Variants in GALNT13 observed in about 807,000 individuals in gnomAD.
GALNT13 encodes the protein polypeptide N-acetylgalactosaminyltransferase 13.
Under a neutral mutation model 64.2 loss-of-function variants are expected in GALNT13, and 28 were observed. That is an observed-to-expected ratio of 0.44 (90% confidence interval 0.32 to 0.60). GALNT13 has a LOEUF of 0.60. Ranked by LOEUF, GALNT13 falls within the 20% of genes least tolerant of loss-of-function variation. The pLI is 0.05. For synonymous variants in GALNT13, 214 were observed against 224.6 expected, an observed-to-expected ratio of 0.95 and a Z score of 0.42; for missense variants, 577 against 669.8, an observed-to-expected ratio of 0.86 and a Z score of 1.53.
rs199814830 is a variant in GALNT13 at position 154,147,081 on chromosome 2, C to G, written c.311+6576C>G. Among the ~76,000 whole-genome samples, 17 of 152,058 alleles carry G rather than the reference C, an allele frequency of 1.1e-4. No homozygotes were observed. In the East Asian group the frequency reaches 2.9e-3, roughly 26 times the overall value. On this transcript the variant is annotated intron_variant, in intron 4 of 12. Transcript: ENST00000392825. The stretch of plus-strand genomic sequence containing the variant: ...TGTAGAGGAAAGGTTTTTCTCTTCC[C>G]TGTAAGTGAATTTACATTGTTGTGC...
the GALNT13 span, among the ~76,000 whole-genome samples, chr2:153,166,621 ATGTGTGTGTGTGTGTGTGTGTGTGTG>A: frequency 1.6e-5 from 2 of 122,662 alleles, no homozygotes; most frequent in African/African-American, 6.5e-5. Context: ...TGCCTACTGC[ATGTGTGTGTGTGTGTGTGTGTGTGTG>A]TGTGTGTGTG....
At chr2:153,797,310 G>T in the GALNT13 span, among the ~76,000 whole-genome samples, 7 of 152,196 alleles carry the variant, frequency 4.6e-5, no homozygotes, top group African/African-American at 1.2e-4. Context: ...TTGGAAAGAG[G>T]TATGCTATAT....
At chr2:153,138,437 T>C in the GALNT13 span, among the ~76,000 whole-genome samples, 13 of 152,174 alleles carry the variant, frequency 8.5e-5, no homozygotes, top group African/African-American at 3.1e-4. Flanking sequence ...AGGACAGTAA[T>C]ATTGTCAGAT....
At chr2:154,134,820 A>C (rs1682855104) in intron 3 of GALNT13, among the ~76,000 whole-genome samples, 1 of 152,236 alleles carries the variant, frequency 6.6e-6, no homozygotes, top group Admixed American at 6.5e-5. Flanking sequence ...GGCAAAACCC[A>C]GTGTCTAATA....
At chr2:153,765,937 C>T in the GALNT13 span, among the ~76,000 whole-genome samples, 2 of 152,136 alleles carry the variant, frequency 1.3e-5, no homozygotes, top group African/African-American at 4.8e-5. Flanking sequence ...CCCTCCTTTA[C>T]CTTCTGCCAT....
the GALNT13 span, among the ~76,000 whole-genome samples, chr2:153,257,866 G>A: frequency 6.6e-6 from 1 of 152,174 alleles, no homozygotes; most frequent in Non-Finnish European, 1.5e-5. Context: ...GACTGGAATG[G>A]TGTGCTTTCT....
At chr2:153,139,237 T>C in the GALNT13 span, among the ~76,000 whole-genome samples, 8 of 152,066 alleles carry the variant, frequency 5.3e-5, no homozygotes, top group Non-Finnish European at 1.2e-4. Flanking sequence ...CCCTAGAATA[T>C]AAACCAGAAC....
chr2:154,244,102 T>G (rs528173968), intron 6 of GALNT13, among the ~76,000 whole-genome samples: 169 of 151,778 alleles, frequency 1.1e-3, no homozygotes, highest in Non-Finnish European at 9.3e-4. Context: ...ATTATGTTGT[T>G]TTTTTTTTCC....
the GALNT13 span, among the ~76,000 whole-genome samples, chr2:153,811,328 A>C: frequency 2.0e-5 from 3 of 152,190 alleles, no homozygotes; most frequent in East Asian, 5.8e-4. Context: ...TTCCCTTAGG[A>C]GACTGACTTT....
chr2:154,217,803 G>T (rs758302392), intron 4 of GALNT13, among the ~76,000 whole-genome samples: 1 of 152,128 alleles, frequency 6.6e-6, no homozygotes, highest in Non-Finnish European at 1.5e-5. Context: ...TGAAAAATAT[G>T]CTGTCCTCAC....
At chr2:153,479,483 G>GTCC in the GALNT13 span, among the ~76,000 whole-genome samples, 1 of 152,184 alleles carries the variant, frequency 6.6e-6, no homozygotes, top group Non-Finnish European at 1.5e-5. Context: ...AGGAAAGAGG[G>GTCC]TTAGAGGAAG....
At chr2:153,185,798 T>C in the GALNT13 span, among the ~76,000 whole-genome samples, 1 of 152,206 alleles carries the variant, frequency 6.6e-6, no homozygotes. Context: ...GAGTTTACAA[T>C]GTGATTGTGT....
chr2:153,220,004 T>A, the GALNT13 span, among the ~76,000 whole-genome samples: 2 of 152,246 alleles, frequency 1.3e-5, no homozygotes, highest in Admixed American at 6.5e-5. Context: ...TTACTCCCCT[T>A]CATCCTCGCT....
chr2:153,697,445 C>A, the GALNT13 span, among the ~76,000 whole-genome samples: 1 of 152,104 alleles, frequency 6.6e-6, no homozygotes, highest in Admixed American at 6.5e-5. Flanking sequence ...TCACATGGCC[C>A]CCCAAAATTT....
the GALNT13 span, among the ~76,000 whole-genome samples, chr2:153,640,970 G>C: frequency 6.6e-6 from 1 of 152,090 alleles, no homozygotes; most frequent in African/African-American, 2.4e-5. Context: ...AAAGACTGAA[G>C]GGGAAGTCTC....
In GALNT13 at chr2:154,242,705, C is replaced by T; in HGVS notation, c.486C>T (p.Leu162=). Residue 162 remains leucine, a synonymous_variant, in exon 6 of 13, where the codon CTC becomes CTT. Coordinates refer to ENST00000392825, the MANE Select transcript of GALNT13 (RefSeq NM_052917.4). ...LVDDASERDF[L]KLTLENYVKN... ...TTCTTATACATGTTACAGATTTTCT[C>T]AAGTTGACATTAGAGAATTACGTGA... is the stretch of plus-strand genomic sequence containing the variant. 2 of 1,607,078 alleles carry T rather than the reference C, an allele frequency of 1.2e-6. No homozygotes were observed. Among genetic ancestry groups the T allele is most frequent in the Non-Finnish European group, 1.7e-6 (2 of 1,173,824 alleles).
At chr2:153,483,128 A>C in the GALNT13 span, among the ~76,000 whole-genome samples, 1 of 152,214 alleles carries the variant, frequency 6.6e-6, no homozygotes, top group Admixed American at 6.5e-5. Flanking sequence ...GCTGGTGGGC[A>C]TGTAAAATGG....
At chr2:153,562,405 C>A in the GALNT13 span, among the ~76,000 whole-genome samples, 1 of 152,062 alleles carries the variant, frequency 6.6e-6, no homozygotes, top group Non-Finnish European at 1.5e-5. Context: ...CCAAATCACA[C>A]CCTATCGAGG....
chr2:153,808,240 T>C, the GALNT13 span, among the ~76,000 whole-genome samples: 6 of 152,162 alleles, frequency 3.9e-5, no homozygotes, highest in African/African-American at 1.4e-4. Flanking sequence ...TTAGCAATAT[T>C]CTATAGTTCA....
Sources: allele counts gnomAD v4.1 joint callset (sites outside exome capture counted in the v4.1 genomes callset), GRCh38; gene constraint gnomAD v4.1.1; transcripts MANE v1.5; gene names NCBI Gene and HGNC (gene_info 2026-07-23, HGNC 2026-07-21).